Variants in MYLIP observed in about 807,000 individuals in gnomAD.
MYLIP encodes the protein E3 ubiquitin-protein ligase MYLIP.
A neutral mutation model predicts 45.8 loss-of-function variants in MYLIP; 26 were observed. The observed-to-expected ratio is 0.57, with a 90% CI of 0.42 to 0.79. The LOEUF (loss-of-function observed/expected upper bound fraction) is 0.79. Among genes scored for constraint, MYLIP ranks in the 30% least tolerant of loss-of-function variants. The pLI is 0.00. For missense variants in MYLIP, 494 were observed against 555.6 expected, an observed-to-expected ratio of 0.89 and a Z score of 1.11; for synonymous variants, 213 against 218.1, an observed-to-expected ratio of 0.98 and a Z score of 0.21.
intron 2 of MYLIP, among the ~76,000 whole-genome samples, chr6:16,132,944 G>A (rs972308799): frequency 1.8e-4 from 27 of 152,214 alleles, no homozygotes; most frequent in African/African-American, 6.3e-4. Context: ...TGCATGTAGT[G>A]TAGTATACTG....
downstream of MYLIP, among the ~76,000 whole-genome samples, chr6:16,149,101 C>A (rs1759848184): frequency 6.6e-6 from 1 of 152,128 alleles, no homozygotes; most frequent in Non-Finnish European, 1.5e-5. Flanking sequence ...ATTCTGGATG[C>A]CTGTATCATG....
the MYLIP span, chr6:16,160,798 A>G: frequency 6.6e-6 from 1 of 151,982 alleles, no homozygotes; most frequent in South Asian, 2.1e-4. Context: ...CGAAACTTAG[A>G]AAAAAAAATT....
the MYLIP span, chr6:16,163,603 G>T: frequency 1.3e-5 from 2 of 152,104 alleles, no homozygotes; most frequent in African/African-American, 2.4e-5. Flanking sequence ...CATGTGTGTA[G>T]TCTCCCTCAC....
chr6:16,141,858 C>T (rs1759681165), intron 3 of MYLIP, 48 bp downstream of exon 3: 1 of 1,481,570 alleles, frequency 6.7e-7, no homozygotes, highest in Non-Finnish European at 9.1e-7. Context: ...TAGGCTTAAA[C>T]AGGATGAAAC....
Position 16,145,224 on chromosome 6 carries a change from G to A in MYLIP, c.1155G>A (p.Met385Ile). Residue 385 changes from methionine (M) to isoleucine (I), a missense_variant, in exon 6 of 7, where the codon ATG becomes ATA. Transcript: ENST00000356840. ...AGCTACGCAAGCTGAAGGAAGCCAT[G>A]CTGTGCATGGTGTGCTGCGAGGAGG... ...QEKLRKLKEAMLCMVCCEEEI... is the reference protein window; with the variant it reads ...QEKLRKLKEAILCMVCCEEEI... 1 of 1,614,108 alleles carries A rather than the reference G, an allele frequency of 6.2e-7. No individual in the cohort carries two copies. The highest frequency in any genetic ancestry group is 8.5e-7 in the Non-Finnish European group (1 of 1,179,998).
intron 5 of MYLIP, 95 bp from the exon 6 acceptor site, chr6:16,144,802 A>T: frequency 7.9e-6 from 11 of 1,392,250 alleles, no homozygotes; most frequent in Non-Finnish European, 1.1e-5. Flanking sequence ...AGACTATGAA[A>T]CATCTGCTGA....
At chr6:16,139,115 T>C (rs1027696237) in intron 2 of MYLIP, among the ~76,000 whole-genome samples, 2 of 152,276 alleles carry the variant, frequency 1.3e-5, no homozygotes, top group Admixed American at 1.3e-4. Context: ...ACTTTACACC[T>C]GAAAAATAAG....
At chr6:16,148,832 C>T (rs566097098), downstream of MYLIP, among the ~76,000 whole-genome samples, 1 of 152,280 alleles carries the variant, frequency 6.6e-6, no homozygotes, top group Non-Finnish European at 1.5e-5. Flanking sequence ...GTGTGCTCAT[C>T]TGTGTTTCTC....
downstream of MYLIP, among the ~76,000 whole-genome samples, chr6:16,151,085 C>A (rs575510673): frequency 1.3e-5 from 2 of 152,186 alleles, no homozygotes; most frequent in South Asian, 4.2e-4. Flanking sequence ...AGCGGTGGCT[C>A]ACGCCTGTAA....
In MYLIP at chr6:16,130,328, A is replaced by G. The variant is rs2076017; in HGVS notation, c.88-229A>G. Reference sequence around the variant, plus strand: ...ACTTTTGAGGACTCCTTTTTTCTCTATTGCAATTGGTCATGCCCTAGACGT... The same window carrying G: ...ACTTTTGAGGACTCCTTTTTTCTCTGTTGCAATTGGTCATGCCCTAGACGT... On this transcript the variant is annotated intron_variant, in intron 1 of 6. Transcript: ENST00000356840. Among the ~76,000 whole-genome samples, 4,802 of 151,968 alleles carry G rather than the reference A, an allele frequency of 0.032. 439 individuals carry two copies. In the East Asian group the frequency reaches 0.35, roughly 11 times the overall value.
chr6:16,146,255 T>C (rs1759788096), intron 6 of MYLIP, among the ~76,000 whole-genome samples: 1 of 152,198 alleles, frequency 6.6e-6, no homozygotes, highest in Non-Finnish European at 1.5e-5. Context: ...AGCCCAGAAA[T>C]GTTGGCCTGA....
chr6:16,131,036 A>AAAAAAAG (rs1759448573), intron 2 of MYLIP, among the ~76,000 whole-genome samples: 1 of 140,688 alleles, frequency 7.1e-6, no homozygotes, highest in Admixed American at 6.8e-5. Flanking sequence ...CAGGAAAAAA[A>AAAAAAAG]AAAAAAAAAA....
the MYLIP span, among the ~76,000 whole-genome samples, chr6:16,156,116 C>G: frequency 1.3e-5 from 2 of 152,192 alleles, no homozygotes; most frequent in African/African-American, 4.8e-5. Context: ...CTGCTTCTCT[C>G]CAACATCCAG....
At chr6:16,162,785 T>TAAAAAAA in the MYLIP span, among the ~76,000 whole-genome samples, 38 of 69,538 alleles carry the variant, frequency 5.5e-4, no homozygotes, top group African/African-American at 9.7e-4. Flanking sequence ...ACCTCAACTC[T>TAAAAAAA]AAAAAAAAAA....
intron 2 of MYLIP, among the ~76,000 whole-genome samples, chr6:16,139,829 C>G (rs1178537205): frequency 3.3e-5 from 5 of 152,128 alleles, no homozygotes; most frequent in Admixed American, 6.5e-5. Flanking sequence ...CACATTCTTA[C>G]TATGATTTCT....
intron 2 of MYLIP, among the ~76,000 whole-genome samples, chr6:16,140,492 G>C (rs945267347): frequency 6.6e-6 from 1 of 152,218 alleles, no homozygotes; most frequent in East Asian, 1.9e-4. Context: ...TCTGATGTTC[G>C]AGGCACTTAA....
chr6:16,161,365 G>T, the MYLIP span: 1 of 246,612 alleles, frequency 4.1e-6, no homozygotes, highest in Non-Finnish European at 8.3e-6. Context: ...TTCTCCTGCT[G>T]CTGCCTCCCA....
At chr6:16,158,782 G>A in the MYLIP span, among the ~76,000 whole-genome samples, 21 of 152,190 alleles carry the variant, frequency 1.4e-4, no homozygotes, top group South Asian at 3.3e-3. Flanking sequence ...AGGCAGGAGA[G>A]TGGCGTGAAC....
chr6:16,137,980 C>G (rs1759589479), intron 2 of MYLIP, among the ~76,000 whole-genome samples: 1 of 151,960 alleles, frequency 6.6e-6, no homozygotes, highest in Admixed American at 6.6e-5. Flanking sequence ...CCTTGGGCCC[C>G]AAAATGTGAT....
Sources: gnomAD v4.1 joint callset for allele counts (sites outside exome capture counted in the v4.1 genomes callset) on GRCh38, gnomAD v4.1.1 for gene constraint, MANE v1.5 for transcripts, NCBI Gene and HGNC (gene_info 2026-07-23, HGNC 2026-07-21) for gene names.